The following GAP43 variants were observed in gnomAD, a reference collection of about 807,000 sequenced individuals.
GAP43 encodes the protein growth associated protein 43, also known as neuromodulin.
A neutral mutation model predicts 18.6 loss-of-function variants in GAP43; 6 were observed. The observed-to-expected ratio is 0.32, with a 90% CI of 0.18 to 0.64. GAP43 has a LOEUF of 0.64. GAP43 is among the 30% of genes least tolerant of loss of function. GAP43 has a pLI of 0.78. For missense variants in GAP43, 292 were observed against 295.5 expected (o/e 0.99, Z 0.09); for synonymous variants, 115 against 111.4 (o/e 1.03, Z -0.20).
chr3:115,669,323 T>A (rs1708780001), intron 1 of GAP43, among the ~76,000 whole-genome samples: 1 of 152,144 alleles, frequency 6.6e-6, no homozygotes, highest in African/African-American at 2.4e-5. Context: ...CACTGAGAAG[T>A]GAAGGATTTT....
chr3:115,666,835 A>G (rs9860828), intron 1 of GAP43, among the ~76,000 whole-genome samples: 74,093 of 151,946 alleles, frequency 0.49, 19,824 homozygotes, highest in African/African-American at 0.71. Flanking sequence ...ATGACGCTGG[A>G]CTCCTTCCTG....
chr3:115,696,469 G>A (rs1279061349), intron 2 of GAP43, among the ~76,000 whole-genome samples: 1 of 151,276 alleles, frequency 6.6e-6, no homozygotes, highest in East Asian at 1.9e-4. Context: ...TGGCCTCAAA[G>A]CTCCATGTTC....
At chr3:115,669,343 T>G (rs1015168837) in intron 1 of GAP43, among the ~76,000 whole-genome samples, 1 of 152,200 alleles carries the variant, frequency 6.6e-6, no homozygotes, top group African/African-American at 2.4e-5. Context: ...TAACAAAAAT[T>G]GACAAAATCG....
chr3:115,677,588 C>G (rs908582796), intron 2 of GAP43, among the ~76,000 whole-genome samples: 3 of 152,154 alleles, frequency 2.0e-5, no homozygotes, highest in Admixed American at 6.5e-5. Context: ...TGATCTTTCT[C>G]TAGTCTAATA....
Position 115,652,356 on chromosome 3 carries a change from C to CTTTTTTTTTTTTTTTTTT in GAP43, c.31-23645_31-23628dup, listed in dbSNP as rs71141831. Among the ~76,000 whole-genome samples, 14 of 43,812 alleles carry CTTTTTTTTTTTTTTTTTT rather than the reference C, an allele frequency of 3.2e-4. 3 individuals carry two copies. The highest frequency in any genetic ancestry group is 1.2e-3 in the Admixed American group (3 of 2,606). The allele number at this position is 43,812 out of a possible 152,430, so 28.7% of individuals were successfully genotyped here. ...TTCCTGATGATTCTTATCCAGCATT[C>CTTTTTTTTTTTTTTTTTT]TTTTTTTTTTTTTTTTTTTTTTTTT... On this transcript the variant is annotated intron_variant, in intron 1 of 2. Coordinates refer to ENST00000305124, the MANE Select transcript of GAP43 (RefSeq NM_002045.4).
intron 2 of GAP43, among the ~76,000 whole-genome samples, chr3:115,708,270 C>T: frequency 6.6e-6 from 1 of 152,112 alleles, no homozygotes; most frequent in East Asian, 1.9e-4. Flanking sequence ...GTGATGAATT[C>T]TGTTTAGTGT....
intron 1 of GAP43, among the ~76,000 whole-genome samples, chr3:115,633,894 A>G (rs1708295879): frequency 6.6e-6 from 1 of 152,204 alleles, no homozygotes; most frequent in South Asian, 2.1e-4. Context: ...AATTGGATTT[A>G]TATTACAGAA....
intron 1 of GAP43, among the ~76,000 whole-genome samples, chr3:115,656,574 G>T (rs765065606): frequency 6.6e-5 from 10 of 152,142 alleles, no homozygotes; most frequent in Non-Finnish European, 1.0e-4. Context: ...CTGAAATTTG[G>T]TTGGGAGAAA....
At chr3:115,657,869 T>C (rs939689184) in intron 1 of GAP43, among the ~76,000 whole-genome samples, 2 of 152,162 alleles carry the variant, frequency 1.3e-5, no homozygotes, top group African/African-American at 2.4e-5. Flanking sequence ...AAAATGTTTA[T>C]TTTGATTAGA....
chr3:115,638,600 T>G (rs1708358508), intron 1 of GAP43, among the ~76,000 whole-genome samples: 1 of 151,814 alleles, frequency 6.6e-6, no homozygotes, highest in African/African-American at 2.4e-5. Context: ...ACTGCCTATC[T>G]CTTCAAGCTT....
At chr3:115,642,772 T>A (rs1352048666) in intron 1 of GAP43, among the ~76,000 whole-genome samples, 1 of 152,106 alleles carries the variant, frequency 6.6e-6, no homozygotes, top group Non-Finnish European at 1.5e-5. Flanking sequence ...CATTAGTTAT[T>A]ACTTGTTATT....
chr3:115,696,589 C>G (rs927924900), intron 2 of GAP43, among the ~76,000 whole-genome samples: 2 of 131,492 alleles, frequency 1.5e-5, no homozygotes, highest in East Asian at 2.7e-4. Context: ...CCCCCCCCCC[C>G]CACAAACAGG....
At chr3:115,694,450 G>A (rs1414242604) in intron 2 of GAP43, among the ~76,000 whole-genome samples, 2 of 152,066 alleles carry the variant, frequency 1.3e-5, no homozygotes, top group Non-Finnish European at 2.9e-5. Context: ...TTAGGCCCTC[G>A]CCATAGAATA....
chr3:115,659,624 G>C (rs888792160), intron 1 of GAP43, among the ~76,000 whole-genome samples: 4 of 151,950 alleles, frequency 2.6e-5, no homozygotes, highest in African/African-American at 9.7e-5. Flanking sequence ...ATATTAGAGA[G>C]AGAGAAAAGG....
At chr3:115,668,351 G>A (rs1460910986) in intron 1 of GAP43, among the ~76,000 whole-genome samples, 1 of 152,106 alleles carries the variant, frequency 6.6e-6, no homozygotes. Context: ...AAGCTTTGGA[G>A]AGCAATACAC....
chr3:115,719,384 A>C (rs1337356470), intron 2 of GAP43, among the ~76,000 whole-genome samples: 1 of 152,186 alleles, frequency 6.6e-6, no homozygotes, highest in Non-Finnish European at 1.5e-5. Flanking sequence ...GATTCTCATC[A>C]TTCCTTAACT....
intron 1 of GAP43, among the ~76,000 whole-genome samples, chr3:115,652,356 CTTTTTTTTTTTTT>C (rs71141831): frequency 2.3e-5 from 1 of 43,768 alleles, no homozygotes; most frequent in East Asian, 9.1e-4. Context: ...ATCCAGCATT[CTTTTTTTTTTTTT>C]TTTTTTTTTT....
intron 2 of GAP43, among the ~76,000 whole-genome samples, chr3:115,681,528 A>G (rs1211629940): frequency 1.3e-5 from 2 of 152,160 alleles, no homozygotes; most frequent in African/African-American, 4.8e-5. Flanking sequence ...AAGATCTTTG[A>G]ACTGAAATAA....
At position 115,676,288 on chromosome 3, in the gene GAP43, C is replaced by T. The variant is rs1230382310; in HGVS notation, c.306C>T (p.Gly102=). The part of the protein sequence containing the change: ...PATGSKPDEP[G]KAGETPSEEK... ...CTGGCTCCAAGCCTGATGAGCCCGG[C>T]AAAGCAGGAGAAACTCCTTCCGAGG... The change falls in exon 2 of 3, where the codon GGC becomes GGT. Residue 102 remains glycine (G), a synonymous_variant. Transcript: ENST00000305124. 6.2e-7 allele frequency: 1 copy of T among 1,614,120 alleles called. No individual in the cohort carries two copies. The highest frequency in any genetic ancestry group is 8.5e-7 in the Non-Finnish European group (1 of 1,180,016).
Sources: allele counts gnomAD v4.1 joint callset (sites outside exome capture counted in the v4.1 genomes callset), GRCh38; gene constraint gnomAD v4.1.1; transcripts MANE v1.5; gene names NCBI Gene and HGNC (gene_info 2026-07-23, HGNC 2026-07-21).